PLEC: variants seen among roughly 807,000 people sequenced by gnomAD.
PLEC encodes hemidesmosomal protein 1.
A neutral mutation model predicts 392.8 loss-of-function variants in PLEC; 216 were observed. The ratio of observed to expected loss-of-function variants is 0.55; its 90% CI spans 0.49 to 0.62. The LOEUF is 0.62. Ranked by LOEUF, PLEC falls within the 20% of genes least tolerant of loss-of-function variation. The pLI is 0.00. For synonymous variants in PLEC, 3,621 were observed against 2,980.6 expected (o/e 1.21, Z -7.00); for missense variants, 6,863 against 6,563.4 (o/e 1.05, Z -1.58).
intron 1 of PLEC, chr8:143,950,112 C>T: frequency 6.9e-7 from 1 of 1,450,066 alleles, no homozygotes; most frequent in Non-Finnish European, 9.1e-7. Context: ...CCAGCCCAGG[C>T]CCAGGCCCAA....
intron 2 of PLEC, 88 bp downstream of exon 2, chr8:143,938,543 G>C: frequency 1.9e-6 from 3 of 1,548,358 alleles, no homozygotes; most frequent in Non-Finnish European, 2.7e-6. Context: ...AGGCAGCATG[G>C]GGACAGCCTT....
chr8:143,930,046 G>C lies in PLEC; in HGVS notation c.2629C>G (p.Gln877Glu). The C allele has an allele frequency of 1.9e-6, 3 of 1,611,540 alleles. No individual in the cohort carries two copies. Among genetic ancestry groups the C allele is most frequent in the Middle Eastern group, 3.3e-4 (2 of 6,044 alleles). ...EAVTRLEAQHQALVTLWHQLH... is the reference protein window; with the variant it reads ...EAVTRLEAQHEALVTLWHQLH... ...TGGTGCCACAGCGTGACCAGGGCCT[G>C]GTGCTGGGCCTCCAGCCTGGCAGGT... The change falls in exon 22 of 32, where the codon CAG becomes GAG. Residue 877 changes from glutamine to glutamate, a missense_variant. Transcript: ENST00000345136.
At position 143,918,036 on chromosome 8, in the gene PLEC, G is replaced by A. The variant is rs1554673772; in HGVS notation, c.11785C>T (p.Leu3929=). The change falls in exon 32 of 32, where the codon CTG becomes TTG. Residue 3929 remains leucine, a synonymous_variant. Transcript: ENST00000345136. ...EEVTKNLQKF[L]EGTSCIAGVF... is the part of the protein sequence containing the mutation. ...CCAGCGATGCAGCTGGTGCCTTCCA[G>A]GAACTTCTGCAAGTTCTTGGTGACC... is the stretch of plus-strand genomic sequence containing the variant. 5.6e-6 allele frequency: 9 copies of A among 1,609,130 alleles called. No individual in the cohort carries two copies. The highest frequency in any genetic ancestry group is 7.6e-6 in the Non-Finnish European group (9 of 1,178,900).
chr8:143,946,174 C>G (rs564784862), intron 1 of PLEC, among the ~76,000 whole-genome samples: 1 of 152,224 alleles, frequency 6.6e-6, no homozygotes, highest in Non-Finnish European at 1.5e-5. Flanking sequence ...CAGGCCTGTG[C>G]TTCCGGGACA....
rs367949674 is a variant in PLEC, at chr8:143,921,117, G to A, written c.8704C>T (p.Arg2902Trp). 53 of 1,612,386 alleles carry A rather than the reference G, an allele frequency of 3.3e-5. No individual in the cohort carries two copies. Among genetic ancestry groups the A allele is most frequent in the African/African-American group, 8.0e-5 (6 of 74,936 alleles). The change falls in exon 32 of 32, where the codon CGG (arginine) becomes TGG (tryptophan). Residue 2902 changes from arginine to tryptophan, a missense_variant. Coordinates refer to ENST00000345136, the MANE Select transcript of PLEC (RefSeq NM_201384.3). ...GELVYTDSEA[R>W]DVFEKATVSA... Reference sequence around the variant, plus strand: ...ACGGTGGCCTTCTCAAAGACGTCCCGGGCCTCGGAGTCAGTGTAGACCAGC... The same window carrying A: ...ACGGTGGCCTTCTCAAAGACGTCCCAGGCCTCGGAGTCAGTGTAGACCAGC...
rs948527888 is a variant in PLEC, at chr8:143,973,156, C to T, written c.70+247G>A. On this transcript the variant is annotated intron_variant, in intron 1 of 31. Transcript: ENST00000356346. The surrounding 1 kb of genome is among the most constrained non-coding windows in gnomAD (Gnocchi z 5.6). ...CCGACAAGCCCTGAGCGCCCCCACC[C>T]GCCCGCGGCCCACCCCACCCACCCG... Among the ~76,000 whole-genome samples the T allele has an allele frequency of 2.6e-5, 4 of 152,146 alleles. No homozygotes were observed. The highest frequency in any genetic ancestry group is 7.2e-5 in the African/African-American group (3 of 41,444).
exon 1 of PLEC, chr8:143,950,347 C>T (rs1554735304): frequency 6.3e-7 from 1 of 1,582,142 alleles, no homozygotes; most frequent in Non-Finnish European, 8.6e-7. Flanking sequence ...CCAGGGGACC[C>T]TGCACAGCCT....
rs147049888 is a variant in PLEC, at chr8:143,962,309, C to CGGCT, written c.70+11090_70+11093dup. Among the ~76,000 whole-genome samples, 1,085 of 152,288 alleles carry CGGCT rather than the reference C, an allele frequency of 7.1e-3. 7 individuals are homozygous for CGGCT. Among genetic ancestry groups the CGGCT allele is most frequent in the African/African-American group, 0.025 (1,024 of 41,550 alleles). ...GGGCAGTGGAGTTGGAAGAGGCAGG[C>CGGCT]GGCTATTCCTAGGCTCTTCCCGGGT... On this transcript the variant is annotated intron_variant, in intron 1 of 31. Coordinates refer to the PLEC transcript ENST00000356346.
At chr8:143,933,492 C>G in intron 12 of PLEC, 141 bp from the exon 13 acceptor site, 1 of 986,698 alleles carries the variant, frequency 1.0e-6, no homozygotes, top group Non-Finnish European at 1.6e-6. Context: ...CCTTCCCTCC[C>G]TGCCCACCTC....
chr8:143,947,532 G>A (rs1470460671), intron 1 of PLEC, among the ~76,000 whole-genome samples: 5 of 152,032 alleles, frequency 3.3e-5, no homozygotes, highest in African/African-American at 1.2e-4. Flanking sequence ...ATCACCTGAG[G>A]TCAGGACTTC....
intron 1 of PLEC, among the ~76,000 whole-genome samples, chr8:143,945,963 C>A (rs1554731968): frequency 2.6e-5 from 4 of 152,406 alleles, no homozygotes; most frequent in African/African-American, 9.6e-5. Context: ...AAGGGCCCAA[C>A]TCCCAGCTGA....
rs1043995728 is a variant in PLEC, at chr8:143,939,523, C to T, written c.-62G>A. 21 of 1,561,674 alleles carry T rather than the reference C, an allele frequency of 1.3e-5. No homozygotes were observed. Among genetic ancestry groups the T allele is most frequent in the Admixed American group, 1.9e-5 (1 of 53,126 alleles). ...TCAGGCACGGTGCTCTGGGCAGCCC[C>T]GTGTGGCACACAGGCAGCTGAAGGC... On this transcript the variant is annotated 5_prime_UTR_variant, in exon 1 of 32. Coordinates refer to ENST00000345136, the MANE Select transcript of PLEC (RefSeq NM_201384.3).
rs1035277603 is a variant in PLEC, at chr8:143,931,665, G to A, written c.2179-6C>T. 8 of 1,597,284 alleles carry A rather than the reference G, an allele frequency of 5.0e-6. No individual in the cohort carries two copies. The African/African-American group carries it at 1.1e-4, about 21-fold the overall frequency. On this transcript the variant is annotated splice_region_variant and splice_polypyrimidine_tract_variant and intron_variant, in intron 18 of 31. Coordinates refer to ENST00000345136, the MANE Select transcript of PLEC (RefSeq NM_201384.3). ...TCCCGCACATCTGAGAAGAACTGGG[G>A]CAGCGGGAGGGGGTCACGCCAGGCT...
intron 1 of PLEC, among the ~76,000 whole-genome samples, chr8:143,949,667 C>G (rs1554734317): frequency 2.6e-5 from 4 of 152,226 alleles, no homozygotes; most frequent in Non-Finnish European, 5.9e-5. Context: ...CAGCCACCAC[C>G]AAGTCCAAGC....
chr8:143,930,941 C>T (rs1480541545), intron 19 of PLEC, among the ~76,000 whole-genome samples: 1 of 152,174 alleles, frequency 6.6e-6, no homozygotes, highest in Non-Finnish European at 1.5e-5. Context: ...CCAGCCCTGC[C>T]GACCTCAGAG....
chr8:143,931,473 C>G, intron 19 of PLEC, 61 bp downstream of exon 19: 7 of 1,544,764 alleles, frequency 4.5e-6, no homozygotes, highest in Non-Finnish European at 6.1e-6. Flanking sequence ...CCAGAGTACC[C>G]GTGCAGCCCA....
intron 1 of PLEC, among the ~76,000 whole-genome samples, chr8:143,972,662 C>G (rs559239069): frequency 6.6e-6 from 1 of 152,226 alleles, no homozygotes; most frequent in Non-Finnish European, 1.5e-5. Context: ...CTCTGCAGGC[C>G]GGCAGCCAAT....
rs2857812 is a variant in PLEC, at chr8:143,919,175, G to A, written c.10646C>T (p.Ala3549Val). The change falls in exon 32 of 32, where the codon GCT becomes GTT. Residue 3549 changes from alanine to valine, a missense_variant. Coordinates refer to ENST00000345136, the MANE Select transcript of PLEC (RefSeq NM_201384.3). ...CACCTGCGTGGTCTCCACCACCTCA[G>A]CCTTCTCCGCCCCTTTCAGTGGCAG... ...RLLPLKGAEK[A>V]EVVETTQVYT... The A allele has an allele frequency of 1.2e-6, 2 of 1,613,678 alleles. No homozygotes were observed. Among genetic ancestry groups the A allele is most frequent in the Non-Finnish European group, 1.7e-6 (2 of 1,180,022 alleles).
At chr8:143,937,310 C>A (rs1829318050) in intron 3 of PLEC, 68 bp from the exon 4 acceptor site, 1 of 1,183,780 alleles carries the variant, frequency 8.4e-7, no homozygotes, top group East Asian at 2.4e-5. Context: ...CAGCATGCCC[C>A]AAAGCGCCGC....
Sources: allele counts gnomAD v4.1 joint callset (sites outside exome capture counted in the v4.1 genomes callset), GRCh38; gene constraint gnomAD v4.1.1; non-coding constraint Gnocchi (gnomAD v3.1); transcripts MANE v1.5; gene names NCBI Gene and HGNC (gene_info 2026-07-23, HGNC 2026-07-21).